The following ELOC variants were observed in gnomAD, a reference collection of about 807,000 sequenced individuals.
ELOC encodes elongin C.
For missense variants in ELOC, 38 were observed against 139.0 expected (o/e 0.27, Z 3.65); for synonymous variants, 40 against 51.3 (o/e 0.78, Z 0.94).
At chr8:73,948,544 T>G (rs1350514945) in intron 3 of ELOC, among the ~76,000 whole-genome samples, 1 of 152,184 alleles carries the variant, frequency 6.6e-6, no homozygotes, top group East Asian at 1.9e-4. Context: ...CACTCCAACC[T>G]GGGTGACAGA....
intron 1 of ELOC, among the ~76,000 whole-genome samples, chr8:73,967,468 CTTTT>C (rs201615321): frequency 1.5e-5 from 2 of 135,848 alleles, no homozygotes; most frequent in East Asian, 2.1e-4. Context: ...ATTTTCTTTT[CTTTT>C]TTTTTTTTTT....
At chr8:73,948,264 G>T (rs1813515085) in intron 3 of ELOC, among the ~76,000 whole-genome samples, 1 of 152,032 alleles carries the variant, frequency 6.6e-6, no homozygotes, top group Non-Finnish European at 1.5e-5. Context: ...CTCCCTGTGG[G>T]TTGGAAACTT....
chr8:73,961,511 A>T (rs925232085), intron 1 of ELOC, among the ~76,000 whole-genome samples: 28 of 149,818 alleles, frequency 1.9e-4, no homozygotes, highest in African/African-American at 6.9e-4. Context: ...AAGTACCATC[A>T]CTCTCTCTTT....
At chr8:73,954,839 C>T (rs1042277973) in intron 3 of ELOC, among the ~76,000 whole-genome samples, 1 of 151,274 alleles carries the variant, frequency 6.6e-6, no homozygotes, top group Non-Finnish European at 1.5e-5. Context: ...CAAGACCAGT[C>T]CGACCAATAT....
intron 3 of ELOC, among the ~76,000 whole-genome samples, chr8:73,954,326 T>A (rs1313803604): frequency 6.6e-6 from 1 of 152,200 alleles, no homozygotes; most frequent in Non-Finnish European, 1.5e-5. Flanking sequence ...CAGCTGCTTT[T>A]ACATTATGTG....
chr8:73,970,071 C>G (rs1341229909), intron 1 of ELOC, among the ~76,000 whole-genome samples: 2 of 152,174 alleles, frequency 1.3e-5, no homozygotes. Context: ...AGGAAGCCTA[C>G]TTGAGCCCCC....
At chr8:73,961,090 A>C (rs1016783363) in intron 1 of ELOC, among the ~76,000 whole-genome samples, 7 of 152,258 alleles carry the variant, frequency 4.6e-5, no homozygotes, top group African/African-American at 1.7e-4. Context: ...AAAATGTACA[A>C]GTTTTTGAGA....
chr8:73,969,069 A>C (rs1257616164), intron 1 of ELOC, among the ~76,000 whole-genome samples: 1 of 152,216 alleles, frequency 6.6e-6, no homozygotes, highest in East Asian at 1.9e-4. Context: ...CATCTATAAA[A>C]TATGACTCCC....
At chr8:73,959,674 A>G in intron 2 of ELOC, 91 bp downstream of exon 2, 1 of 1,153,134 alleles carries the variant, frequency 8.7e-7, no homozygotes, top group Non-Finnish European at 1.2e-6. Flanking sequence ...GTCTACTGAA[A>G]TTTTACTTGT....
rs1274942663 is a variant in ELOC, at chr8:73,962,586, AC to A, written c.-50-2769del. ...TTTAAAAAACAAAACAAAAAAAAAAACAAAACAAATGCGAGAAAGCTTGAAG... is the reference window on the plus strand; with the variant it reads ...TTTAAAAAACAAAACAAAAAAAAAAAAAAACAAATGCGAGAAAGCTTGAAG... On this transcript the variant is annotated intron_variant, in intron 1 of 3. Coordinates refer to ENST00000520242, the MANE Select transcript of ELOC (RefSeq NM_005648.4). Among the ~76,000 whole-genome samples, 170 of 150,306 alleles carry A rather than the reference AC, an allele frequency of 1.1e-3. 1 individual carries two copies. Among genetic ancestry groups the A allele is most frequent in the African/African-American group, 3.9e-3 (161 of 41,210 alleles).
chr8:73,963,156 T>A (rs1295184199), intron 1 of ELOC, among the ~76,000 whole-genome samples: 1 of 152,196 alleles, frequency 6.6e-6, no homozygotes, highest in Non-Finnish European at 1.5e-5. Context: ...CTCTTAAAGT[T>A]TTTTTGTGTA....
intron 3 of ELOC, among the ~76,000 whole-genome samples, chr8:73,951,333 T>C (rs1318118230): frequency 6.6e-6 from 1 of 152,026 alleles, no homozygotes; most frequent in East Asian, 1.9e-4. Context: ...CAGTTCTCTT[T>C]ACTTCTGAGT....
intron 1 of ELOC, among the ~76,000 whole-genome samples, chr8:73,961,406 G>A (rs1391129190): frequency 6.6e-6 from 1 of 152,232 alleles, no homozygotes; most frequent in Non-Finnish European, 1.5e-5. Context: ...CATCCATGTA[G>A]AGAGGATAAA....
At position 73,945,309 on chromosome 8, in the gene ELOC, G is replaced by C. The variant is rs1428791008; in HGVS notation, c.*1321C>G. On this transcript the variant is annotated 3_prime_UTR_variant, in exon 4 of 4. Coordinates refer to ENST00000520242, the MANE Select transcript of ELOC (RefSeq NM_005648.4). ...AATTTTTGCATTTTTGGTAGAGATG[G>C]GGTTTTGCCATGGTGGCCAGGCTGG... is the stretch of plus-strand genomic sequence containing the variant. The C allele has an allele frequency of 6.6e-6, 1 of 151,858 alleles. No homozygotes were observed. The highest frequency in any genetic ancestry group is 1.5e-5 in the Non-Finnish European group (1 of 68,038). The allele number at this position is 151,858 out of a possible 1,614,324, so 9.4% of individuals were successfully genotyped here. A position where few individuals can be genotyped will look rare whatever the true frequency, so the allele number is the denominator to read the frequency against.
Position 73,963,721 on chromosome 8 carries a change from T to C in ELOC, c.-50-3903A>G, listed in dbSNP as rs768134663. ...ATACACTACAGATTAAAGAGCCAAA[T>C]GTAAAATATCCATAAAAATCCATGA... On this transcript the variant is annotated intron_variant, in intron 1 of 3. Coordinates refer to ENST00000520242, the MANE Select transcript of ELOC (RefSeq NM_005648.4). Among the ~76,000 whole-genome samples, 4 of 152,006 alleles carry C rather than the reference T, an allele frequency of 2.6e-5. No homozygotes were observed. The East Asian group carries it at 5.8e-4, about 22-fold the overall frequency.
intron 2 of ELOC, among the ~76,000 whole-genome samples, chr8:73,957,959 T>C (rs186658408): frequency 5.7e-4 from 87 of 152,004 alleles, no homozygotes; most frequent in African/African-American, 2.0e-3. Flanking sequence ...TTGTATTTAG[T>C]AGAGATGGGG....
intron 3 of ELOC, among the ~76,000 whole-genome samples, chr8:73,952,418 ATATAT>A (rs762989880): frequency 6.6e-6 from 1 of 150,676 alleles, no homozygotes; most frequent in Non-Finnish European, 1.5e-5. Context: ...AAATAAATAA[ATATAT>A]TAATTAATTT....
chr8:73,970,120 T>C (rs750954918), intron 1 of ELOC, among the ~76,000 whole-genome samples: 1 of 152,132 alleles, frequency 6.6e-6, no homozygotes, highest in Non-Finnish European at 1.5e-5. Flanking sequence ...TGGGCACCTA[T>C]AGTCCCAGCT....
At chr8:73,960,548 G>A (rs1814521676) in intron 1 of ELOC, among the ~76,000 whole-genome samples, 1 of 152,138 alleles carries the variant, frequency 6.6e-6, no homozygotes, top group Admixed American at 6.6e-5. Context: ...GCTCAGCCTT[G>A]TTGCTTATGA....
Sources: allele counts gnomAD v4.1 joint callset (sites outside exome capture counted in the v4.1 genomes callset), GRCh38; gene constraint gnomAD v4.1.1; transcripts MANE v1.5; gene names NCBI Gene and HGNC (gene_info 2026-07-23, HGNC 2026-07-21).